TRIM27: variants seen among roughly 807,000 people sequenced by gnomAD.
The protein encoded by TRIM27 is tripartite motif containing 27.
Under a neutral mutation model 57.6 loss-of-function variants are expected in TRIM27, and 12 were observed. The observed-to-expected ratio is 0.21, with a 90% CI of 0.13 to 0.34. The LOEUF (loss-of-function observed/expected upper bound fraction) is 0.34, where lower values mean the gene tolerates loss of function less well. TRIM27 is among the 10% of genes least tolerant of loss of function. The pLI is 1.00. For missense variants in TRIM27, 403 were observed against 656.8 expected, an observed-to-expected ratio of 0.61 and a Z score of 4.22; for synonymous variants, 266 against 259.0, an observed-to-expected ratio of 1.03 and a Z score of -0.26.
intron 6 of TRIM27, chr6:28,907,588 C>A (rs1190309895): frequency 3.3e-6 from 2 of 607,234 alleles, no homozygotes; most frequent in Non-Finnish European, 6.3e-6. Flanking sequence ...GCGGTTCCAA[C>A]CCCACGTCAT....
chr6:28,922,955 AAT>A (rs1179677145), intron 1 of TRIM27, among the ~76,000 whole-genome samples: 1 of 152,180 alleles, frequency 6.6e-6, no homozygotes, highest in Non-Finnish European at 1.5e-5. Flanking sequence ...CTCCGTGTAC[AAT>A]GTGTCCGTGA....
chr6:28,923,151 CT>C, intron 1 of TRIM27, 61 bp downstream of exon 1: 1 of 1,465,132 alleles, frequency 6.8e-7, no homozygotes. Context: ...AAGGAAGCCC[CT>C]TTGGCTCTCT....
intron 3 of TRIM27, among the ~76,000 whole-genome samples, chr6:28,912,072 C>A (rs1006041916): frequency 1.3e-5 from 2 of 151,120 alleles, no homozygotes; most frequent in Non-Finnish European, 2.9e-5. Flanking sequence ...TTCAAATACA[C>A]GGAAAAGCTG....
At position 28,903,018 on chromosome 6, in the gene TRIM27, GTTTATT is replaced by G. The variant is rs1457121711; in HGVS notation, c.*1046_*1051del. The G allele has an allele frequency of 9.3e-6, 2 of 214,072 alleles. No homozygotes were observed. The highest frequency in any genetic ancestry group is 2.3e-5 in the African/African-American group (1 of 44,200). The allele number at this position is 214,072 out of a possible 1,614,324, so 13.3% of individuals were successfully genotyped here. A position where few individuals can be genotyped will look rare whatever the true frequency, so the allele number is the denominator to read the frequency against. ...ACAACAATGTAAACATCCATATTCA[GTTTATT>G]TTTAAACAGAGGGGCACGTACCCAC... On this transcript the variant is annotated 3_prime_UTR_variant, in exon 8 of 8. Transcript: ENST00000377199.
In TRIM27 at chr6:28,903,769, C is replaced by A; in HGVS notation, c.*301G>T. 1 of 400,780 alleles carries A rather than the reference C, an allele frequency of 2.5e-6. No individual in the cohort carries two copies. Among genetic ancestry groups the A allele is most frequent in the Non-Finnish European group, 4.5e-6 (1 of 224,372 alleles). 24.8% of individuals were successfully genotyped at this position (400,780 alleles called of 1,614,324 possible). ...GCTGGAAGTATCTTGAACGGCTCTC[C>A]AAATCCAAAGATTATCCATACTCTT... is the stretch of plus-strand genomic sequence containing the variant. On this transcript the variant is annotated 3_prime_UTR_variant, in exon 8 of 8. Transcript: ENST00000377199.
chr6:28,920,105 G>A lies in TRIM27; in HGVS notation c.654C>T (p.Ala218=), dbSNP rs1422463137. The change falls in exon 3 of 8, where the codon GCC becomes GCT. Residue 218 remains alanine, a synonymous_variant. Coordinates refer to ENST00000377199, the MANE Select transcript of TRIM27 (RefSeq NM_006510.5). The part of the protein sequence containing the change: ...DLAIYNSING[A]ITQFSCNISH... The stretch of plus-strand genomic sequence containing the variant: ...AGATGTTGCAAGAGAACTGGGTGAT[G>A]GCACCATTGATGCTATTGTAGATGG... 1 of 1,614,224 alleles carries A rather than the reference G, an allele frequency of 6.2e-7. No individual in the cohort carries two copies. Among genetic ancestry groups the A allele is most frequent in the Admixed American group, 1.7e-5 (1 of 60,026 alleles).
chr6:28,912,259 G>A (rs1020858888), intron 3 of TRIM27, among the ~76,000 whole-genome samples: 3 of 152,070 alleles, frequency 2.0e-5, no homozygotes, highest in Non-Finnish European at 2.9e-5. Flanking sequence ...ACGGGTGTCT[G>A]CCATCACGCC....
At chr6:28,918,556 A>C (rs1773788764) in intron 3 of TRIM27, among the ~76,000 whole-genome samples, 1 of 152,168 alleles carries the variant, frequency 6.6e-6, no homozygotes, top group Admixed American at 6.5e-5. Context: ...GAAAGAAAGA[A>C]ATACATTTTT....
intron 7 of TRIM27, chr6:28,905,517 GTA>G (rs1237573284): frequency 6.6e-6 from 1 of 152,086 alleles, no homozygotes. Context: ...ACCTGTATCA[GTA>G]TGCTTACTTT....
chr6:28,905,558 A>C (rs1380171231), intron 7 of TRIM27: 1 of 152,066 alleles, frequency 6.6e-6, no homozygotes, highest in Non-Finnish European at 1.5e-5. Flanking sequence ...ATTATTTTTT[A>C]CTTTTTTTTA....
chr6:28,907,120 T>C (rs1333776519), intron 7 of TRIM27, 116 bp downstream of exon 7: 7 of 960,116 alleles, frequency 7.3e-6, no homozygotes, highest in Middle Eastern at 3.0e-4. Flanking sequence ...ATCATCTTTA[T>C]ACATGTAACC....
chr6:28,914,635 G>C (rs1581504049), intron 3 of TRIM27: 1 of 150,738 alleles, frequency 6.6e-6, no homozygotes, highest in Non-Finnish European at 1.5e-5. Context: ...ACGTACACTG[G>C]GTACCTGGGT....
At position 28,904,309 on chromosome 6, in the gene TRIM27, G is replaced by A; in HGVS notation, c.1303C>T (p.Arg435Trp). 6.2e-7 allele frequency: 1 copy of A among 1,612,994 alleles called. No homozygotes were observed. Among genetic ancestry groups the A allele is most frequent in the Non-Finnish European group, 8.5e-7 (1 of 1,179,974 alleles). ...TCATAGTCCAAGAAAATCCCCACCCGCTGGAGCGGGGTCCGCAGGGGTAGG... is the reference window on the plus strand; with the variant it reads ...TCATAGTCCAAGAAAATCCCCACCCACTGGAGCGGGGTCCGCAGGGGTAGG... ...TALPLRTPLQ[R>W]VGIFLDYDAG... The change falls in exon 8 of 8, where the codon CGG becomes TGG. Residue 435 changes from arginine (R) to tryptophan (W), a missense_variant. Coordinates refer to ENST00000377199, the MANE Select transcript of TRIM27 (RefSeq NM_006510.5). This position sits in a 1 kb window ranked among gnomAD's most constrained non-coding sequence, Gnocchi z 6.1.
Position 28,903,175 on chromosome 6 carries a change from T to G in TRIM27, c.*895A>C, listed in dbSNP as rs1772513486. On this transcript the variant is annotated 3_prime_UTR_variant, in exon 8 of 8. Transcript: ENST00000377199. ...GAGCTGCCCCTTGATAGGATGCACTTAAGCATGGTCAATTCCCCCTTCCCC... is the reference window on the plus strand; with the variant it reads ...GAGCTGCCCCTTGATAGGATGCACTGAAGCATGGTCAATTCCCCCTTCCCC... The G allele has an allele frequency of 4.3e-6, 1 of 232,272 alleles. No individual in the cohort carries two copies. Among genetic ancestry groups the G allele is most frequent in the African/African-American group, 2.2e-5 (1 of 45,246 alleles). The allele number at this position is 232,272 out of a possible 1,614,324, so 14.4% of individuals were successfully genotyped here.
intron 5 of TRIM27, 48 bp from the exon 6 acceptor site, chr6:28,908,888 G>C (rs768833385): frequency 1.7e-5 from 28 of 1,608,962 alleles, no homozygotes; most frequent in Non-Finnish European, 2.4e-5. Flanking sequence ...CCACTATCTG[G>C]CTGGAAAATT....
At chr6:28,921,783 T>C in intron 2 of TRIM27, 109 bp downstream of exon 2, 5 of 865,342 alleles carry the variant, frequency 5.8e-6, no homozygotes, top group East Asian at 4.9e-5. Context: ...GATCCACCTC[T>C]ACCTACAAGT....
At chr6:28,909,484 G>A (rs1010844160) in intron 4 of TRIM27, among the ~76,000 whole-genome samples, 1 of 152,102 alleles carries the variant, frequency 6.6e-6, no homozygotes, top group African/African-American at 2.4e-5. Context: ...TAGCGTACAC[G>A]GACAGTCTTT....
At chr6:28,907,167 A>T in intron 7 of TRIM27, 69 bp downstream of exon 7, 1 of 1,413,804 alleles carries the variant, frequency 7.1e-7, no homozygotes, top group Non-Finnish European at 9.8e-7. Flanking sequence ...CAAATCATTC[A>T]TAATAGTAGT....
At chr6:28,916,493 G>A (rs982036329) in intron 3 of TRIM27, among the ~76,000 whole-genome samples, 15 of 151,872 alleles carry the variant, frequency 9.9e-5, no homozygotes, top group African/African-American at 3.4e-4. Context: ...CGGAGGTTGC[G>A]GTGAGCGGAG....
Sources: gnomAD v4.1 joint callset for allele counts (sites outside exome capture counted in the v4.1 genomes callset) on GRCh38, gnomAD v4.1.1 for gene constraint, Gnocchi (gnomAD v3.1) non-coding constraint, MANE v1.5 for transcripts, NCBI Gene and HGNC (gene_info 2026-07-23, HGNC 2026-07-21) for gene names.